Variants in ATRN observed in about 807,000 individuals in gnomAD.
ATRN encodes the protein attractin-2.
Under a neutral mutation model 178.7 loss-of-function variants are expected in ATRN, and 54 were observed. That is an observed-to-expected ratio of 0.30 (90% confidence interval 0.24 to 0.38). ATRN has a LOEUF of 0.38. Among genes scored for constraint, ATRN ranks in the 10% least tolerant of loss-of-function variants. The pLI is 1.00. For synonymous variants in ATRN, 636 were observed against 663.0 expected (o/e 0.96, Z 0.63); for missense variants, 1,443 against 1,815.1 (o/e 0.79, Z 3.73).
At chr20:3,534,968 TTAAGA>T (rs2085503920) in intron 1 of ATRN, among the ~76,000 whole-genome samples, 2 of 152,098 alleles carry the variant, frequency 1.3e-5, no homozygotes, top group African/African-American at 4.8e-5. Flanking sequence ...TGACATAAAA[TTAAGA>T]TAAGATTTAG....
intron 1 of ATRN, among the ~76,000 whole-genome samples, chr20:3,519,006 T>TAAAAAAAAAAAAAAAAAAAA (rs577864057): frequency 3.0e-4 from 36 of 119,452 alleles, no homozygotes; most frequent in African/African-American, 1.0e-3. Context: ...TCCTTATATA[T>TAAAAAAAAAAAAAAAAAAAA]AAAAAAAAAA....
intron 25 of ATRN, among the ~76,000 whole-genome samples, chr20:3,629,448 C>CTA (rs1466836379): frequency 1.3e-5 from 2 of 152,216 alleles, no homozygotes; most frequent in African/African-American, 4.8e-5. Flanking sequence ...ACTCTTCTCA[C>CTA]TACCCTTCAT....
Position 3,471,510 on chromosome 20 carries a change from C to A in ATRN, c.403C>A (p.Arg135Ser). The stretch of plus-strand genomic sequence containing the variant: ...CGAGCAATGCCAGCACTGCGGGGGC[C>A]GCTTCAGGTGAGTGGCGGGTGGTGT... ...VGEQCQHCGG[R>S]FRLTGSSGFV... The change falls in exon 1 of 29, where the codon CGC (arginine) becomes AGC (serine). Residue 135 changes from arginine to serine, a missense_variant. By Grantham distance (110) the Arg-to-Ser change is moderately radical (BLOSUM62 -1). Transcript: ENST00000262919. 1 of 1,402,436 alleles carries A rather than the reference C, an allele frequency of 7.1e-7. No homozygotes were observed. The highest frequency in any genetic ancestry group is 1.6e-5 in the South Asian group (1 of 61,640). The allele number at this position is 1,402,436 out of a possible 1,614,324, so 86.9% of individuals were successfully genotyped here.
chr20:3,509,259 C>CAG (rs35526656), intron 1 of ATRN, among the ~76,000 whole-genome samples: 40,581 of 151,812 alleles, frequency 0.27, 5,962 homozygotes, highest in African/African-American at 0.33. Flanking sequence ...TGTAATGAGT[C>CAG]AAATATTGAA....
intron 24 of ATRN, among the ~76,000 whole-genome samples, chr20:3,612,652 G>C (rs2086782479): frequency 6.6e-6 from 1 of 152,122 alleles, no homozygotes; most frequent in African/African-American, 2.4e-5. Context: ...TTAAGATATA[G>C]ATTATATATA....
At chr20:3,536,883 T>C (rs1333382011) in intron 2 of ATRN, among the ~76,000 whole-genome samples, 1 of 152,234 alleles carries the variant, frequency 6.6e-6, no homozygotes, top group African/African-American at 2.4e-5. Flanking sequence ...TTTGATACCA[T>C]ATCAAAACTT....
Position 3,649,065 on chromosome 20 carries a change from G to A in ATRN, c.*2218G>A, listed in dbSNP as rs2087127277. 1 of 152,220 alleles carries A rather than the reference G, an allele frequency of 6.6e-6. No individual in the cohort carries two copies. Among genetic ancestry groups the A allele is most frequent in the Admixed American group, 6.5e-5 (1 of 15,282 alleles). The allele number at this position is 152,220 out of a possible 1,614,324, so 9.4% of individuals were successfully genotyped here. A position where few individuals can be genotyped will look rare whatever the true frequency, so the allele number is the denominator to read the frequency against. ...AAAAAGGAAGGAAGGAGCAAGTGAA[G>A]TTTCATTCTGCTCCAGCGGTGGGGA... On this transcript the variant is annotated 3_prime_UTR_variant, in exon 29 of 29. Transcript: ENST00000262919.
intron 25 of ATRN, among the ~76,000 whole-genome samples, chr20:3,626,231 CA>C (rs3084195): frequency 0.39 from 39,324 of 99,652 alleles, 5,218 homozygotes; most frequent in East Asian, 0.55. Context: ...GACCCTGTCT[CA>C]AAAAAAAAAA....
At position 3,648,378 on chromosome 20, in the gene ATRN, T is replaced by C. The variant is rs954094418; in HGVS notation, c.*1531T>C. On this transcript the variant is annotated 3_prime_UTR_variant, in exon 29 of 29. Transcript: ENST00000262919. ...TGCTTGGAAATTGTGTTTTCCCCATTTATGGTGCTCTGTATTCTGGCATTA... is the reference window on the plus strand; with the variant it reads ...TGCTTGGAAATTGTGTTTTCCCCATCTATGGTGCTCTGTATTCTGGCATTA... 3 of 152,642 alleles carry C rather than the reference T, an allele frequency of 2.0e-5. No homozygotes were observed. The highest frequency in any genetic ancestry group is 7.2e-5 in the African/African-American group (3 of 41,462). 9.5% of individuals were successfully genotyped at this position (152,642 alleles called of 1,614,324 possible). A position where few individuals can be genotyped will look rare whatever the true frequency, so the allele number is the denominator to read the frequency against.
intron 24 of ATRN, among the ~76,000 whole-genome samples, chr20:3,617,986 C>G (rs776478398): frequency 6.6e-6 from 1 of 152,150 alleles, no homozygotes; most frequent in Non-Finnish European, 1.5e-5. Context: ...GCCTTCACCC[C>G]GACGCACAGG....
At chr20:3,490,018 C>G in intron 1 of ATRN, 5 of 1,006,208 alleles carry the variant, frequency 5.0e-6, no homozygotes, top group Non-Finnish European at 8.0e-6. Context: ...TGTTGCTGTT[C>G]CCTGAGAGTC....
chr20:3,560,192 C>A (rs756878220), intron 7 of ATRN, among the ~76,000 whole-genome samples: 2 of 152,136 alleles, frequency 1.3e-5, no homozygotes, highest in Non-Finnish European at 2.9e-5. Context: ...AGTCTACTCT[C>A]TATCTTCATG....
intron 11 of ATRN, among the ~76,000 whole-genome samples, chr20:3,571,843 T>A (rs2086130167): frequency 6.6e-6 from 1 of 152,194 alleles, no homozygotes. Context: ...ATGACCAGAT[T>A]TTTCAATCTT....
At chr20:3,620,836 C>T (rs576719434) in intron 24 of ATRN, among the ~76,000 whole-genome samples, 7 of 152,198 alleles carry the variant, frequency 4.6e-5, no homozygotes, top group Non-Finnish European at 7.3e-5. Flanking sequence ...GAATCCTCTT[C>T]TCAGGATGTC....
chr20:3,491,388 C>T (rs2084792042), intron 1 of ATRN, among the ~76,000 whole-genome samples: 1 of 152,210 alleles, frequency 6.6e-6, no homozygotes, highest in Admixed American at 6.5e-5. Flanking sequence ...TACTAAACTT[C>T]ATAACGTTTC....
At chr20:3,626,872 C>T (rs535355415) in intron 25 of ATRN, among the ~76,000 whole-genome samples, 35 of 150,612 alleles carry the variant, frequency 2.3e-4, no homozygotes, top group Admixed American at 2.1e-3. Flanking sequence ...AAGCAACCGC[C>T]GCCTCCCGGG....
rs1443572802 is a variant in ATRN, at chr20:3,545,816, C to T, written c.663C>T (p.Ala221=). The T allele has an allele frequency of 1.2e-6, 2 of 1,613,970 alleles. No homozygotes were observed. Among genetic ancestry groups the T allele is most frequent in the Non-Finnish European group, 1.7e-6 (2 of 1,179,878 alleles). ...ATGAGACTGTCCCTGAGGTTGTTGC[C>T]ACATCAGGTTATGCCTTGCTGCATT... ...DGNETVPEVV[A]TSGYALLHFF... Residue 221 remains alanine (A), a synonymous_variant, in exon 4 of 29, where the codon GCC becomes GCT. Transcript: ENST00000262919.
intron 24 of ATRN, among the ~76,000 whole-genome samples, chr20:3,623,898 C>T (rs1462658295): frequency 6.6e-6 from 1 of 151,998 alleles, no homozygotes; most frequent in Non-Finnish European, 1.5e-5. Flanking sequence ...AGAATAATGC[C>T]TTTTTCAGCC....
chr20:3,471,137 A>G lies in ATRN; in HGVS notation c.30A>G (p.Ala10=). ...TGGCTGCAGCGGCGGCAACTGAGGCAAGGCTGAGGAGGAGGACGGCGGCGA... is the reference window on the plus strand; with the variant it reads ...TGGCTGCAGCGGCGGCAACTGAGGCGAGGCTGAGGAGGAGGACGGCGGCGA... MVAAAAATE[A]RLRRRTAATA... Residue 10 remains alanine, a synonymous_variant, in exon 1 of 29, where the codon GCA becomes GCG. Coordinates refer to ENST00000262919, the MANE Select transcript of ATRN (RefSeq NM_139321.3). 6.6e-7 allele frequency: 1 copy of G among 1,509,108 alleles called. No homozygotes were observed. Among genetic ancestry groups the G allele is most frequent in the Non-Finnish European group, 8.8e-7 (1 of 1,135,452 alleles). The allele number at this position is 1,509,108 out of a possible 1,614,324, so 93.5% of individuals were successfully genotyped here.
Sources: gnomAD v4.1 joint callset for allele counts (sites outside exome capture counted in the v4.1 genomes callset) on GRCh38, gnomAD v4.1.1 for gene constraint, MANE v1.5 for transcripts, NCBI Gene and HGNC (gene_info 2026-07-23, HGNC 2026-07-21) for gene names.